Variants in TNFSF14 observed in about 807,000 individuals in gnomAD.
The protein encoded by TNFSF14 is tumor necrosis factor ligand superfamily member 14.
Under a neutral mutation model 22.7 loss-of-function variants are expected in TNFSF14, and 15 were observed. The ratio of observed to expected loss-of-function variants is 0.66; its 90% CI spans 0.44 to 1.02. The LOEUF (loss-of-function observed/expected upper bound fraction) is 1.02. Ranked by LOEUF, TNFSF14 falls within the 50% of genes least tolerant of loss-of-function variation. The pLI is 0.00. For synonymous variants in TNFSF14, 133 were observed against 139.6 expected (o/e 0.95, Z 0.33); for missense variants, 287 against 326.2 (o/e 0.88, Z 0.93).
intron 1 of TNFSF14, among the ~76,000 whole-genome samples, chr19:6,668,579 G>A (rs1917495841): frequency 6.6e-6 from 1 of 152,070 alleles, no homozygotes; most frequent in East Asian, 1.9e-4. Context: ...GGTGGCGGAT[G>A]CCTGTGATCC....
chr19:6,665,477 C>T (rs1052119307), intron 3 of TNFSF14, 127 bp from the exon 4 acceptor site: 19 of 1,046,506 alleles, frequency 1.8e-5, no homozygotes, highest in African/African-American at 1.8e-4. Flanking sequence ...GGCATGATCT[C>T]GGCTTACTGC....
intron 3 of TNFSF14, among the ~76,000 whole-genome samples, chr19:6,665,784 C>CGCGT (rs1555681877): frequency 2.1e-5 from 3 of 140,564 alleles, no homozygotes; most frequent in African/African-American, 8.0e-5. Context: ...TGCATGTGTG[C>CGCGT]GTGTGTGTGT....
rs1469475335 is a variant in TNFSF14, at chr19:6,664,760, G to A, written c.*166C>T. ...TTGCCATGTTAGCCAGGCTGGTCTC[G>A]AACTCCTGACCTCAGGTGATCCGCC... On this transcript the variant is annotated 3_prime_UTR_variant, in exon 4 of 4. Transcript: ENST00000675206. The surrounding 1 kb of genome is among the most constrained non-coding windows in gnomAD (Gnocchi z 4.7). 7.6e-6 allele frequency: 6 copies of A among 787,752 alleles called. No homozygotes were observed. Among genetic ancestry groups the A allele is most frequent in the South Asian group, 2.2e-5 (1 of 44,862 alleles). 48.8% of individuals were successfully genotyped at this position (787,752 alleles called of 1,614,324 possible). A position where few individuals can be genotyped will look rare whatever the true frequency, so the allele number is the denominator to read the frequency against.
chr19:6,669,978 T>C lies in TNFSF14; in HGVS notation c.92A>G (p.Gln31Arg), dbSNP rs375195247. The change falls in exon 1 of 4, where the codon CAG becomes CGG. Residue 31 changes from glutamine (Q) to arginine (R), a missense_variant. Gln to Arg is a conservative substitution (Grantham distance 43, BLOSUM62 1). Transcript: ENST00000675206. ...ACCCACCCGGGCCACACTGCACGAC[T>C]GTCTCCGGTGGCTTCGTCCCAGCCT... ...FTRLGRSHRRQSCSVARVGLG... is the reference protein window; with the variant it reads ...FTRLGRSHRRRSCSVARVGLG... 9.9e-6 allele frequency: 16 copies of C among 1,614,028 alleles called. No homozygotes were observed. In the African/African-American group the frequency reaches 2.0e-4, roughly 20 times the overall value.
At chr19:6,669,713 C>G (rs1182357221) in intron 1 of TNFSF14, 138 bp downstream of exon 1, 1 of 1,354,840 alleles carries the variant, frequency 7.4e-7, no homozygotes, top group Non-Finnish European at 9.9e-7. Context: ...GTCAAGCCAG[C>G]TGCTCTCAGC....
chr19:6,669,737 TACACACACACACACAC>T lies in TNFSF14; in HGVS notation c.219+98_219+113del, dbSNP rs34381198. On this transcript the variant is annotated intron_variant, in intron 1 of 3. Transcript: ENST00000675206. ...GCTGCTCTCAGCCTGTGCCCTGTCC[TACACACACACACACAC>T]ACACACACACACACACACACAGACA... 17 of 1,232,036 alleles carry T rather than the reference TACACACACACACACAC, an allele frequency of 1.4e-5. No individual in the cohort carries two copies. The Admixed American group carries it at 1.4e-4, about 10-fold the overall frequency. The allele number at this position is 1,232,036 out of a possible 1,614,324, so 76.3% of individuals were successfully genotyped here.
Position 6,664,742 on chromosome 19 carries a change from G to A in TNFSF14, c.*184C>T. ...TTTAGTAGAGATGGGGTTTTGCCAT[G>A]TTAGCCAGGCTGGTCTCGAACTCCT... On this transcript the variant is annotated 3_prime_UTR_variant, in exon 4 of 4. Transcript: ENST00000675206. The surrounding 1 kb of genome is among the most constrained non-coding windows in gnomAD (Gnocchi z 4.7). 1 of 651,752 alleles carries A rather than the reference G, an allele frequency of 1.5e-6. No homozygotes were observed. The highest frequency in any genetic ancestry group is 2.5e-6 in the Non-Finnish European group (1 of 393,916). 40.4% of individuals were successfully genotyped at this position (651,752 alleles called of 1,614,324 possible). A position where few individuals can be genotyped will look rare whatever the true frequency, so the allele number is the denominator to read the frequency against.
At chr19:6,668,037 A>AAAATAAATAAATAAATAAAAGGGTT (rs1917480312) in intron 1 of TNFSF14, among the ~76,000 whole-genome samples, 3 of 151,984 alleles carry the variant, frequency 2.0e-5, no homozygotes, top group Admixed American at 6.6e-5. Context: ...TCTATCTCAA[A>AAAATAAATAAATAAATAAAAGGGTT]AAATAAATAA....
intron 1 of TNFSF14, 25 bp from the exon 2 acceptor site, chr19:6,667,474 GTAAGAACCTGCAGC>G: frequency 6.4e-7 from 1 of 1,571,960 alleles, no homozygotes; most frequent in Non-Finnish European, 8.6e-7. Context: ...GGGGCCTGCG[GTAAGAACCTGCAGC>G]GGGGGCCACG....
intron 3 of TNFSF14, among the ~76,000 whole-genome samples, 161 bp from the exon 4 acceptor site, chr19:6,665,511 C>T (rs1371844415): frequency 6.6e-6 from 1 of 152,124 alleles, no homozygotes; most frequent in East Asian, 1.9e-4. Flanking sequence ...CAGGTTCAAG[C>T]GATTGTCCTG....
chr19:6,665,399 C>A, intron 3 of TNFSF14, 49 bp from the exon 4 acceptor site: 1 of 1,463,680 alleles, frequency 6.8e-7, no homozygotes. Flanking sequence ...CACATGTCTT[C>A]CTCTGTTGCT....
chr19:6,664,820 G>A lies in TNFSF14; in HGVS notation c.*106C>T, dbSNP rs538163247. The A allele has an allele frequency of 9.8e-5, 139 of 1,423,482 alleles. No individual in the cohort carries two copies. The highest frequency in any genetic ancestry group is 2.7e-4 in the African/African-American group (19 of 70,302). The allele number at this position is 1,423,482 out of a possible 1,614,324, so 88.2% of individuals were successfully genotyped here. A position where few individuals can be genotyped will look rare whatever the true frequency, so the allele number is the denominator to read the frequency against. ...CTCCCAAAGTGCTGGGATTACAGGC[G>A]AGAGCCACCACGCCCAGCCTCTGCT... On this transcript the variant is annotated 3_prime_UTR_variant, in exon 4 of 4. Coordinates refer to ENST00000675206, the MANE Select transcript of TNFSF14 (RefSeq NM_001376887.1). The surrounding 1 kb of genome is among the most constrained non-coding windows in gnomAD (Gnocchi z 4.7).
At position 6,665,073 on chromosome 19, in the gene TNFSF14, G is replaced by T. The variant is rs777211796; in HGVS notation, c.576C>A (p.Ser192Arg). 6 of 1,614,114 alleles carry T rather than the reference G, an allele frequency of 3.7e-6. No individual in the cohort carries two copies. Among genetic ancestry groups the T allele is most frequent in the Non-Finnish European group, 5.1e-6 (6 of 1,179,960 alleles). ...TGCTGTCCCACCAGACCCGGGAGCT[G>T]CTGGTGGCCCGTCCGCAGGGTGACT... The part of the protein sequence containing the change: ...SQQSPCGRAT[S>R]SSRVWWDSSF... The change falls in exon 4 of 4, where the codon AGC becomes AGA. Residue 192 changes from serine to arginine, a missense_variant. Physicochemically the swap from Ser to Arg is moderately radical, Grantham distance 110. Transcript: ENST00000675206.
At chr19:6,665,564 G>A (rs765043086) in intron 3 of TNFSF14, among the ~76,000 whole-genome samples, 3 of 152,134 alleles carry the variant, frequency 2.0e-5, no homozygotes, top group East Asian at 3.9e-4. Flanking sequence ...GCCCGCCACC[G>A]CACCCAGTTA....
Position 6,667,141 on chromosome 19 carries a change from G to T in TNFSF14, c.270C>A (p.His90Gln), listed in dbSNP as rs148614381. ...TGAGATGCGCTGCTGGGTTGACCTC[G>T]TGAGACCTTCGCTCTGGGGAAAGAG... ...WEQLIQERRS[H>Q]EVNPAAHLTG... Residue 90 changes from histidine (H) to glutamine (Q), a missense_variant, in exon 3 of 4, where the codon CAC (histidine) becomes CAA (glutamine). Physicochemically the swap from His to Gln is conservative, Grantham distance 24. Transcript: ENST00000675206. 9 of 1,595,282 alleles carry T rather than the reference G, an allele frequency of 5.6e-6. No individual in the cohort carries two copies. Among genetic ancestry groups the T allele is most frequent in the Middle Eastern group, 1.7e-4 (1 of 6,014 alleles).
Position 6,665,361 on chromosome 19 carries a change from G to A in TNFSF14, c.299-11C>T. 1.9e-6 allele frequency: 3 copies of A among 1,542,068 alleles called. No individual in the cohort carries two copies. Among genetic ancestry groups the A allele is most frequent in the Non-Finnish European group, 2.6e-6 (3 of 1,145,722 alleles). On this transcript the variant is annotated splice_polypyrimidine_tract_variant and intron_variant, in intron 3 of 3. Coordinates refer to ENST00000675206, the MANE Select transcript of TNFSF14 (RefSeq NM_001376887.1). ...AGCTGGAGTTGGCCCCTGTTGGGAA[G>A]AGAGAGACAAAGGGGGCTGCCGGTC...
rs61729849 is a variant in TNFSF14, at chr19:6,665,316, C to T, written c.333G>A (p.Pro111=). Residue 111 remains proline, a synonymous_variant, in exon 4 of 4, where the codon CCG becomes CCA. Transcript: ENST00000675206. Reference sequence around the variant, plus strand: ...GGCCCAGCTGAGTCTCCCATAACAGCGGCCCCCCGCTGCCGGTCAAGCTGG... The same window carrying T: ...GGCCCAGCTGAGTCTCCCATAACAGTGGCCCCCCGCTGCCGGTCAAGCTGG... ...ANSSLTGSGG[P]LLWETQLGLA... 2.8e-4 allele frequency: 447 copies of T among 1,601,426 alleles called. 1 individual carries two copies. The African/African-American group carries it at 4.5e-3, about 16-fold the overall frequency.
chr19:6,670,021 T>A lies in TNFSF14; in HGVS notation c.49A>T (p.Thr17Ser), dbSNP rs1182735122. The change falls in exon 1 of 4, where the codon ACC becomes TCC. Residue 17 changes from threonine (T) to serine (S), a missense_variant. By Grantham distance (58) the Thr-to-Ser change is moderately conservative. Transcript: ENST00000675206. ...CCCAGCCTCGTGAATGGGATGTCGGTCTGTCCATCCACCACAAACACTGAG... is the reference window on the plus strand; with the variant it reads ...CCCAGCCTCGTGAATGGGATGTCGGACTGTCCATCCACCACAAACACTGAG... ...RPSVFVVDGQ[T>S]DIPFTRLGRS... The A allele has an allele frequency of 6.2e-7, 1 of 1,614,066 alleles. No individual in the cohort carries two copies. Among genetic ancestry groups the A allele is most frequent in the East Asian group, 2.2e-5 (1 of 44,890 alleles).
Position 6,662,836 on chromosome 19 carries a change from G to A in TNFSF14, c.*2090C>T, listed in dbSNP as rs138861239. The A allele has an allele frequency of 7.2e-5, 11 of 152,318 alleles. No homozygotes were observed. The highest frequency in any genetic ancestry group is 3.9e-4 in the East Asian group (2 of 5,188). 9.4% of individuals were successfully genotyped at this position (152,318 alleles called of 1,614,324 possible). A position where few individuals can be genotyped will look rare whatever the true frequency, so the allele number is the denominator to read the frequency against. ...TGTCCTGGATGTGTCTAATAAGGGC[G>A]TCTTGCGGGATGTAGCCTCTACTTC... On this transcript the variant is annotated 3_prime_UTR_variant, in exon 4 of 4. Transcript: ENST00000675206.
Sources: allele counts gnomAD v4.1 joint callset (sites outside exome capture counted in the v4.1 genomes callset), GRCh38; gene constraint gnomAD v4.1.1; non-coding constraint Gnocchi (gnomAD v3.1); transcripts MANE v1.5; gene names NCBI Gene and HGNC (gene_info 2026-07-23, HGNC 2026-07-21).